GRIK3: variants seen among roughly 807,000 people sequenced by gnomAD.
The protein encoded by GRIK3 is glutamate ionotropic receptor kainate type subunit 3.
GRIK3 carries 29 observed loss-of-function variants against 102.5 expected under a neutral mutation model. The observed-to-expected ratio is 0.28, with a 90% CI of 0.21 to 0.39. The LOEUF (loss-of-function observed/expected upper bound fraction) is 0.39, where lower values mean the gene tolerates loss of function less well. Among genes scored for constraint, GRIK3 ranks in the 10% least tolerant of loss-of-function variants. GRIK3 has a pLI of 1.00. For synonymous variants in GRIK3, 511 were observed against 504.9 expected (o/e 1.01, Z -0.16); for missense variants, 908 against 1,252.4 (o/e 0.73, Z 4.15).
chr1:36,980,034 C>A (rs960474142), intron 1 of GRIK3, among the ~76,000 whole-genome samples: 8 of 152,198 alleles, frequency 5.3e-5, no homozygotes, highest in Non-Finnish European at 1.0e-4. Flanking sequence ...CTCACATATT[C>A]CCGAGTGTCT....
At chr1:36,905,399 C>A (rs1641275428) in intron 1 of GRIK3, among the ~76,000 whole-genome samples, 1 of 150,630 alleles carries the variant, frequency 6.6e-6, no homozygotes, top group Non-Finnish European at 1.5e-5. Flanking sequence ...AACAGAAGTT[C>A]TTTCTAGAAA....
chr1:36,830,324 T>C (rs820654), intron 10 of GRIK3, among the ~76,000 whole-genome samples: 27,871 of 151,338 alleles, frequency 0.18, 3,051 homozygotes, highest in African/African-American at 0.3. Flanking sequence ...TTTACCACTC[T>C]ACCATGCAAG....
chr1:36,878,213 G>A (rs1407448208), intron 3 of GRIK3, among the ~76,000 whole-genome samples: 1 of 152,224 alleles, frequency 6.6e-6, no homozygotes, highest in African/African-American at 2.4e-5. Flanking sequence ...ATGATTCACA[G>A]TGGTACATTA....
At chr1:36,992,929 C>T (rs1320293405) in intron 1 of GRIK3, among the ~76,000 whole-genome samples, 1 of 152,162 alleles carries the variant, frequency 6.6e-6, no homozygotes, top group Non-Finnish European at 1.5e-5. Flanking sequence ...CCCTGCAGCC[C>T]TGAGATGGGA....
At chr1:36,937,034 T>A (rs1285166188) in intron 1 of GRIK3, among the ~76,000 whole-genome samples, 1 of 152,202 alleles carries the variant, frequency 6.6e-6, no homozygotes, top group Non-Finnish European at 1.5e-5. Flanking sequence ...GATATCGGGC[T>A]GTCCTCTCCA....
rs190679781 is a variant in GRIK3, at chr1:36,973,512, C to T, written c.115+60482G>A. Among the ~76,000 whole-genome samples, 441 of 151,304 alleles carry T rather than the reference C, an allele frequency of 2.9e-3. 2 individuals carry two copies. The highest frequency in any genetic ancestry group is 0.01 in the African/African-American group (419 of 41,132). On this transcript the variant is annotated intron_variant, in intron 1 of 15. Transcript: ENST00000373091. ...TTGGCTCACCACAACCTCCACCTCC[C>T]GGGTTCAAGCAATTCTCCTGTCTCA...
intron 1 of GRIK3, among the ~76,000 whole-genome samples, chr1:36,915,517 GC>G (rs1641389651): frequency 6.6e-6 from 1 of 152,218 alleles, no homozygotes; most frequent in Admixed American, 6.5e-5. Flanking sequence ...AACCAAAGCT[GC>G]TGCCTAGGGG....
rs541339866 is a variant in GRIK3, at chr1:36,857,656, C to G, written c.1104+1452G>C. On this transcript the variant is annotated intron_variant, in intron 7 of 15. Transcript: ENST00000373091. Reference sequence around the variant, plus strand: ...GCGATCCAAAGGCACATGTGTGGTGCCCTAAAGCCTGTATCTTATCCACAT... The same window carrying G: ...GCGATCCAAAGGCACATGTGTGGTGGCCTAAAGCCTGTATCTTATCCACAT... Among the ~76,000 whole-genome samples the G allele has an allele frequency of 3.3e-5, 5 of 152,306 alleles. No individual in the cohort carries two copies. The South Asian group carries it at 1.0e-3, about 32-fold the overall frequency.
At chr1:36,821,406 C>T (rs1642694254) in intron 11 of GRIK3, among the ~76,000 whole-genome samples, 1 of 152,218 alleles carries the variant, frequency 6.6e-6, no homozygotes, top group Non-Finnish European at 1.5e-5. Flanking sequence ...CCCGCTTCCT[C>T]TACCACATCT....
At position 36,880,998 on chromosome 1, in the gene GRIK3, C is replaced by A. The variant is rs1640969666; in HGVS notation, c.293-107G>T. On this transcript the variant is annotated intron_variant, in intron 2 of 15. Coordinates refer to ENST00000373091, the MANE Select transcript of GRIK3 (RefSeq NM_000831.4). The surrounding 1 kb of genome is among the most constrained non-coding windows in gnomAD (Gnocchi z 5.4). ...ATGTGGGAAAAACAGCAACTGGAAC[C>A]CTCGGTGGGTGCACAATGGATGAGC... is the stretch of plus-strand genomic sequence containing the variant. The A allele has an allele frequency of 2.4e-6, 3 of 1,227,476 alleles. No individual in the cohort carries two copies. In the South Asian group the frequency reaches 4.4e-5, roughly 18 times the overall value. The allele number at this position is 1,227,476 out of a possible 1,614,324, so 76.0% of individuals were successfully genotyped here. A position where few individuals can be genotyped will look rare whatever the true frequency, so the allele number is the denominator to read the frequency against.
At chr1:37,031,681 C>T (rs1024010258) in intron 1 of GRIK3, among the ~76,000 whole-genome samples, 1 of 152,208 alleles carries the variant, frequency 6.6e-6, no homozygotes, top group Admixed American at 6.5e-5. Context: ...TCTTAAAGCC[C>T]CAGCCAGAAC....
chr1:37,027,535 G>A (rs555242607), intron 1 of GRIK3, among the ~76,000 whole-genome samples: 1 of 152,058 alleles, frequency 6.6e-6, no homozygotes, highest in South Asian at 2.1e-4. Context: ...GCTCCCTGGA[G>A]GTCTCCCTAG....
At position 36,880,449 on chromosome 1, in the gene GRIK3, C is replaced by T. The variant is rs954072064; in HGVS notation, c.550+185G>A. Reference sequence around the variant, plus strand: ...GCTGGGGCTGAGTGAGATATGAGTGCCGCTGGGGTGCACAGGGTGTGAGTG... The same window carrying T: ...GCTGGGGCTGAGTGAGATATGAGTGTCGCTGGGGTGCACAGGGTGTGAGTG... On this transcript the variant is annotated intron_variant, in intron 3 of 15. Coordinates refer to ENST00000373091, the MANE Select transcript of GRIK3 (RefSeq NM_000831.4). This position sits in a 1 kb window ranked among gnomAD's most constrained non-coding sequence, Gnocchi z 5.4. 1.3e-5 allele frequency among the ~76,000 whole-genome samples: 2 copies of T among 152,006 alleles called. No homozygotes were observed. Among genetic ancestry groups the T allele is most frequent in the Non-Finnish European group, 2.9e-5 (2 of 67,988 alleles).
intron 1 of GRIK3, among the ~76,000 whole-genome samples, chr1:36,908,296 G>A (rs934477922): frequency 3.9e-5 from 6 of 152,178 alleles, no homozygotes; most frequent in African/African-American, 1.4e-4. Context: ...AGTGTCAACT[G>A]CACTACTTTA....
chr1:36,799,704 T>A lies in GRIK3; in HGVS notation c.*2147A>T, dbSNP rs1189760482. ...CCCATTATGACATGGCTTCTCCTGT[T>A]TTTACATATATGGGGCCTTGCTGCT... On this transcript the variant is annotated 3_prime_UTR_variant, in exon 16 of 16. Transcript: ENST00000373091. 6.6e-6 allele frequency: 1 copy of A among 152,196 alleles called. No homozygotes were observed. The allele number at this position is 152,196 out of a possible 1,614,324, so 9.4% of individuals were successfully genotyped here.
At chr1:36,807,590 G>C (rs1391990922) in intron 13 of GRIK3, among the ~76,000 whole-genome samples, 1 of 152,142 alleles carries the variant, frequency 6.6e-6, no homozygotes, top group East Asian at 1.9e-4. Context: ...CCTGCTGGGA[G>C]GGAGCTAAGG....
intron 1 of GRIK3, among the ~76,000 whole-genome samples, chr1:37,004,236 C>T (rs987505490): frequency 1.3e-5 from 2 of 152,196 alleles, no homozygotes; most frequent in Admixed American, 1.3e-4. Flanking sequence ...GGACAAGCCA[C>T]AGCACCTTCT....
At position 36,868,260 on chromosome 1, in the gene GRIK3, T is replaced by C. The variant is rs536742239; in HGVS notation, c.786+1488A>G. 7.4e-4 allele frequency among the ~76,000 whole-genome samples: 113 copies of C among 152,286 alleles called. 2 individuals carry two copies. The South Asian group carries it at 0.022, about 30-fold the overall frequency. On this transcript the variant is annotated intron_variant, in intron 5 of 15. Transcript: ENST00000373091. ...AGTTTCAGGGGTCTGGTAGCCTCCC[T>C]TGACTTTCCAGGAGACAGCATGGCA...
intron 3 of GRIK3, among the ~76,000 whole-genome samples, chr1:36,873,777 T>C (rs1193873388): frequency 6.6e-6 from 1 of 152,192 alleles, no homozygotes; most frequent in African/African-American, 2.4e-5. Flanking sequence ...GAATAGGTAT[T>C]GACTCAGAGA....
Sources: allele counts gnomAD v4.1 joint callset (sites outside exome capture counted in the v4.1 genomes callset), GRCh38; gene constraint gnomAD v4.1.1; non-coding constraint Gnocchi (gnomAD v3.1); transcripts MANE v1.5; gene names NCBI Gene and HGNC (gene_info 2026-07-23, HGNC 2026-07-21).